Variants in MCTP2 observed in about 807,000 individuals in gnomAD.
The protein encoded by MCTP2 is multiple C2 and transmembrane domain containing 2, also known as multiple C2 and transmembrane domain-containing protein 2.
Under a neutral mutation model 111.6 loss-of-function variants are expected in MCTP2, and 132 were observed. That is an observed-to-expected ratio of 1.18 (90% CI 1.03 to 1.37). MCTP2 has a LOEUF of 1.37. Ranked by LOEUF, MCTP2 falls within the 40% of genes most tolerant of loss-of-function variation. MCTP2 has a pLI of 0.00. For synonymous variants in MCTP2, 395 were observed against 387.7 expected (o/e 1.02, Z -0.22); for missense variants, 1,183 against 1,067.9 (o/e 1.11, Z -1.50).
At chr15:94,345,455 G>T (rs1413393699) in intron 8 of MCTP2, among the ~76,000 whole-genome samples, 1 of 152,170 alleles carries the variant, frequency 6.6e-6, no homozygotes, top group Non-Finnish European at 1.5e-5. Flanking sequence ...AGCATGGTTA[G>T]ATTTAGTCCC....
chr15:94,383,154 G>A (rs529657612), intron 12 of MCTP2, among the ~76,000 whole-genome samples: 273 of 152,216 alleles, frequency 1.8e-3, no homozygotes, highest in African/African-American at 6.5e-3. Flanking sequence ...ATAACGTACT[G>A]AGTATACAGG....
intron 1 of MCTP2, among the ~76,000 whole-genome samples, chr15:94,232,663 G>A (rs1006394965): frequency 2.0e-5 from 3 of 152,102 alleles, no homozygotes; most frequent in Admixed American, 2.0e-4. Flanking sequence ...ATACAAAGGG[G>A]AATCTTAAGG....
At chr15:94,306,058 GA>G (rs1567375926) in intron 2 of MCTP2, among the ~76,000 whole-genome samples, 1 of 152,168 alleles carries the variant, frequency 6.6e-6, no homozygotes, top group Non-Finnish European at 1.5e-5. Context: ...CACAGACACT[GA>G]AAAAAATGAC....
At chr15:94,376,345 T>G (rs2079771637) in intron 12 of MCTP2, among the ~76,000 whole-genome samples, 1 of 152,150 alleles carries the variant, frequency 6.6e-6, no homozygotes, top group Non-Finnish European at 1.5e-5. Flanking sequence ...AAGATAAAAA[T>G]TAGTGCCCAT....
At chr15:94,429,275 C>T (rs1281787296) in intron 17 of MCTP2, among the ~76,000 whole-genome samples, 2 of 152,034 alleles carry the variant, frequency 1.3e-5, no homozygotes, top group Admixed American at 1.3e-4. Context: ...TGTTATTTCC[C>T]ATCTCCTGCC....
At chr15:94,246,961 C>T (rs928145444) in intron 1 of MCTP2, among the ~76,000 whole-genome samples, 20 of 152,138 alleles carry the variant, frequency 1.3e-4, no homozygotes, top group Non-Finnish European at 1.3e-4. Flanking sequence ...TTGATAGTAA[C>T]TCCTTTGAGT....
At chr15:94,364,336 G>T (rs1342130906) in intron 10 of MCTP2, among the ~76,000 whole-genome samples, 1 of 152,038 alleles carries the variant, frequency 6.6e-6, no homozygotes, top group East Asian at 1.9e-4. Context: ...CCCATAACAG[G>T]GAAAGGCTAA....
At chr15:94,446,461 A>G (rs2084121767) in intron 19 of MCTP2, among the ~76,000 whole-genome samples, 1 of 152,250 alleles carries the variant, frequency 6.6e-6, no homozygotes, top group Admixed American at 6.5e-5. Flanking sequence ...TGAAAATTGC[A>G]TTAATTTTCT....
At position 94,479,085 on chromosome 15, in the gene MCTP2, A is replaced by G; in HGVS notation, c.*51A>G. 6.4e-7 allele frequency: 1 copy of G among 1,559,924 alleles called. No homozygotes were observed. Among genetic ancestry groups the G allele is most frequent in the East Asian group, 2.2e-5 (1 of 44,562 alleles). On this transcript the variant is annotated 3_prime_UTR_variant, in exon 23 of 23. Coordinates refer to ENST00000357742, the MANE Select transcript of MCTP2 (RefSeq NM_001385001.1). Reference sequence around the variant, plus strand: ...CACCCAATATTGTGTTTGGTTGAGTAGACCAATGTTATGGCTGTTTCAGTG... The same window carrying G: ...CACCCAATATTGTGTTTGGTTGAGTGGACCAATGTTATGGCTGTTTCAGTG...
At chr15:94,430,577 CAA>C (rs11289166) in intron 17 of MCTP2, among the ~76,000 whole-genome samples, 4,334 of 96,680 alleles carry the variant, frequency 0.045, 127 homozygotes, top group African/African-American at 0.098. Flanking sequence ...ACTAAAAATA[CAA>C]AAAAAAAAAA....
At chr15:94,460,305 G>C (rs1222772776) in intron 20 of MCTP2, among the ~76,000 whole-genome samples, 1 of 152,158 alleles carries the variant, frequency 6.6e-6, no homozygotes, top group African/African-American at 2.4e-5. Flanking sequence ...ATGAATGAGG[G>C]CTTCAGTAGT....
chr15:94,282,577 A>G (rs541950886), intron 1 of MCTP2, among the ~76,000 whole-genome samples: 1 of 152,156 alleles, frequency 6.6e-6, no homozygotes. Flanking sequence ...TCATTGCTGG[A>G]GAGCTAGTGT....
intron 20 of MCTP2, among the ~76,000 whole-genome samples, chr15:94,461,490 C>T (rs371108626): frequency 1.6e-4 from 24 of 152,150 alleles, no homozygotes; most frequent in African/African-American, 5.8e-4. Flanking sequence ...AAAAACCATG[C>T]AGCATTTATG....
chr15:94,450,365 C>T lies in MCTP2; in HGVS notation c.2250+7405C>T, dbSNP rs547089694. Among the ~76,000 whole-genome samples, 24 of 152,292 alleles carry T rather than the reference C, an allele frequency of 1.6e-4. No individual in the cohort carries two copies. The South Asian group carries it at 2.7e-3, about 17-fold the overall frequency. On this transcript the variant is annotated intron_variant, in intron 19 of 22. Coordinates refer to ENST00000357742, the MANE Select transcript of MCTP2 (RefSeq NM_001385001.1). ...GTGTGCGTGTGTGTGTGCACGCGCA[C>T]GTGTGCGTCTGCATCCCTGCATGCC...
chr15:94,314,016 T>C (rs1301889347), intron 2 of MCTP2, among the ~76,000 whole-genome samples: 1 of 152,214 alleles, frequency 6.6e-6, no homozygotes, highest in Non-Finnish European at 1.5e-5. Context: ...ATTTGCATGC[T>C]AAACATGTGG....
chr15:94,399,770 C>G, intron 15 of MCTP2, 151 bp from the exon 16 acceptor site: 9 of 649,742 alleles, frequency 1.4e-5, no homozygotes, highest in South Asian at 7.5e-5. Flanking sequence ...GAAACATGTA[C>G]AGGGCACAGG....
chr15:94,250,422 G>T (rs1478337529), intron 1 of MCTP2, among the ~76,000 whole-genome samples: 1 of 152,156 alleles, frequency 6.6e-6, no homozygotes, highest in Non-Finnish European at 1.5e-5. Context: ...TCGTGAGCAC[G>T]TATTGAGGAT....
intron 4 of MCTP2, among the ~76,000 whole-genome samples, chr15:94,333,255 A>G (rs1411103677): frequency 6.6e-6 from 1 of 152,222 alleles, no homozygotes; most frequent in Non-Finnish European, 1.5e-5. Flanking sequence ...GGCGTATAAG[A>G]ATTCTGATGT....
chr15:94,471,803 A>C (rs2073956282), intron 21 of MCTP2, among the ~76,000 whole-genome samples: 1 of 151,206 alleles, frequency 6.6e-6, no homozygotes, highest in Admixed American at 6.6e-5. Context: ...TTATATACTG[A>C]ATGTTATTTG....
Sources: allele counts gnomAD v4.1 joint callset (sites outside exome capture counted in the v4.1 genomes callset), GRCh38; gene constraint gnomAD v4.1.1; transcripts MANE v1.5; gene names NCBI Gene and HGNC (gene_info 2026-07-23, HGNC 2026-07-21).